NCMAP: variants seen among roughly 807,000 people sequenced by gnomAD.
The protein encoded by NCMAP is noncompact myelin-associated protein.
NCMAP carries 8 observed loss-of-function variants against 7.8 expected under a neutral mutation model. The observed-to-expected ratio is 1.02, with a 90% confidence interval of 0.60 to 1.84. The LOEUF is 1.84. NCMAP is among the 40% of genes most tolerant of loss of function. The pLI, the probability that NCMAP is intolerant of heterozygous loss-of-function variation, is 0.00. For synonymous variants in NCMAP, 41 were observed against 52.9 expected, an observed-to-expected ratio of 0.78 and a Z score of 0.98; for missense variants, 112 against 131.4, an observed-to-expected ratio of 0.85 and a Z score of 0.72.
At chr1:24,584,607 T>C (rs994449869) in intron 1 of NCMAP, among the ~76,000 whole-genome samples, 1 of 152,120 alleles carries the variant, frequency 6.6e-6, no homozygotes, top group Non-Finnish European at 1.5e-5. Flanking sequence ...GCTGCGGCTT[T>C]TGCCATAGGA....
rs774025806 is a variant in NCMAP at position 24,601,029 on chromosome 1, G to A, written c.167+5G>A. The A allele has an allele frequency of 5.0e-6, 8 of 1,613,212 alleles. 1 individual carries two copies. The highest frequency in any genetic ancestry group is 3.3e-4 in the Middle Eastern group (2 of 6,004). On this transcript the variant is annotated splice_donor_5th_base_variant and intron_variant, in intron 3 of 3. Transcript: ENST00000374392. ...CCTGCTGAAGATGTACAACAGGTAC[G>A]GATGCCCTGGGCTTTGGAACTGCCT...
At chr1:24,594,562 A>G (rs1652155208) in intron 1 of NCMAP, among the ~76,000 whole-genome samples, 1 of 152,126 alleles carries the variant, frequency 6.6e-6, no homozygotes, top group African/African-American at 2.4e-5. Context: ...GTAGATTCCC[A>G]AACTGCATTA....
At chr1:24,605,106 A>C (rs113632721) in intron 3 of NCMAP, among the ~76,000 whole-genome samples, 7,939 of 151,316 alleles carry the variant, frequency 0.052, 709 homozygotes, top group African/African-American at 0.18. Context: ...ACAGAGCCAG[A>C]CTCTGTCTCA....
intron 1 of NCMAP, among the ~76,000 whole-genome samples, chr1:24,570,378 C>T (rs1651354148): frequency 6.6e-6 from 1 of 150,626 alleles, no homozygotes; most frequent in Non-Finnish European, 1.5e-5. Flanking sequence ...ACCTATAGTT[C>T]CAGCTGCTTG....
At chr1:24,597,678 A>AG (rs1557602721) in intron 2 of NCMAP, among the ~76,000 whole-genome samples, 1 of 116,140 alleles carries the variant, frequency 8.6e-6, no homozygotes, top group Non-Finnish European at 1.9e-5. Flanking sequence ...AAAGAAAAGA[A>AG]AAAGAAAGAA....
intron 1 of NCMAP, among the ~76,000 whole-genome samples, chr1:24,579,222 G>A (rs1651679660): frequency 6.6e-6 from 1 of 151,114 alleles, no homozygotes. Flanking sequence ...AAGACTTCAT[G>A]CCCAAAAGTG....
At chr1:24,561,124 G>T (rs540374169) in intron 1 of NCMAP, among the ~76,000 whole-genome samples, 1 of 148,000 alleles carries the variant, frequency 6.8e-6, no homozygotes, top group Non-Finnish European at 1.5e-5. Flanking sequence ...CCTGAGGTCA[G>T]GAGTTCAAGA....
chr1:24,571,163 T>A (rs964923727), intron 1 of NCMAP, among the ~76,000 whole-genome samples: 2 of 150,832 alleles, frequency 1.3e-5, no homozygotes, highest in Non-Finnish European at 2.9e-5. Context: ...ATTGTAAATG[T>A]CCTGGTAGCC....
intron 1 of NCMAP, among the ~76,000 whole-genome samples, chr1:24,590,126 T>C (rs1652003810): frequency 6.6e-6 from 1 of 152,202 alleles, no homozygotes; most frequent in African/African-American, 2.4e-5. Context: ...TTATCAAGTC[T>C]CAGGGTCTTC....
At chr1:24,562,027 G>T (rs1396919520) in intron 1 of NCMAP, among the ~76,000 whole-genome samples, 1 of 152,104 alleles carries the variant, frequency 6.6e-6, no homozygotes, top group Non-Finnish European at 1.5e-5. Context: ...ATGAAACTTG[G>T]TTTTTTGTTT....
chr1:24,560,184 A>AAAAT, intron 1 of NCMAP, among the ~76,000 whole-genome samples: 1 of 144,836 alleles, frequency 6.9e-6, no homozygotes, highest in Non-Finnish European at 1.5e-5. Flanking sequence ...AAAAAAAAAA[A>AAAAT]ATTTGTTTCC....
intron 1 of NCMAP, among the ~76,000 whole-genome samples, chr1:24,580,936 G>T (rs1300764772): frequency 6.6e-6 from 1 of 152,140 alleles, no homozygotes; most frequent in African/African-American, 2.4e-5. Flanking sequence ...CGGCTTTTCC[G>T]GCTTTCAAAC....
chr1:24,592,785 G>A (rs1206909444), intron 1 of NCMAP, among the ~76,000 whole-genome samples: 3 of 152,128 alleles, frequency 2.0e-5, no homozygotes, highest in Non-Finnish European at 4.4e-5. Flanking sequence ...CGGGAGTGGT[G>A]GCGGGCGCCT....
At chr1:24,564,519 AAAAAAAAAAAAAAC>A (rs1298601819) in intron 1 of NCMAP, among the ~76,000 whole-genome samples, 1 of 144,358 alleles carries the variant, frequency 6.9e-6, no homozygotes. Flanking sequence ...GTCTCAAAAA[AAAAAAAAAAAAAAC>A]AAAAAAAAAC....
intron 1 of NCMAP, among the ~76,000 whole-genome samples, chr1:24,565,311 A>G (rs1030039949): frequency 2.0e-5 from 3 of 149,456 alleles, no homozygotes; most frequent in African/African-American, 7.5e-5. Context: ...ATTCAAGGAC[A>G]CATACATCCT....
chr1:24,578,917 G>A (rs1338297744), intron 1 of NCMAP, among the ~76,000 whole-genome samples: 1 of 152,134 alleles, frequency 6.6e-6, no homozygotes, highest in African/African-American at 2.4e-5. Context: ...TCCAACAGAA[G>A]AGAAGAGTAG....
intron 1 of NCMAP, among the ~76,000 whole-genome samples, chr1:24,562,849 T>G (rs1235023725): frequency 6.6e-6 from 1 of 152,156 alleles, no homozygotes; most frequent in Non-Finnish European, 1.5e-5. Flanking sequence ...CTCTGGGAAC[T>G]TAAAGGTGAA....
Position 24,574,228 on chromosome 1 carries a change from C to T in NCMAP, c.-8+18059C>T, listed in dbSNP as rs1027210960. Among the ~76,000 whole-genome samples the T allele has an allele frequency of 4.0e-5, 6 of 150,506 alleles. 1 individual carries two copies. Among genetic ancestry groups the T allele is most frequent in the African/African-American group, 1.3e-4 (5 of 39,898 alleles). ...CTGCTTCCTGGGTTGAAGTGATTCT[C>T]CTGCCTCAGACTGCTGAGTAGCTGG... On this transcript the variant is annotated intron_variant, in intron 1 of 3. Transcript: ENST00000374392.
Position 24,606,694 on chromosome 1 carries a change from A to G in NCMAP, c.*947A>G, listed in dbSNP as rs1195587500. The G allele has an allele frequency of 6.6e-6, 1 of 152,224 alleles. No individual in the cohort carries two copies. The highest frequency in any genetic ancestry group is 2.4e-5 in the African/African-American group (1 of 41,442). The allele number at this position is 152,224 out of a possible 1,614,324, so 9.4% of individuals were successfully genotyped here. ...AGCAACACATTCACAACCCATTTCTATTCTATAGCAACCTCGTCTGTGACT... is the reference window on the plus strand; with the variant it reads ...AGCAACACATTCACAACCCATTTCTGTTCTATAGCAACCTCGTCTGTGACT... On this transcript the variant is annotated 3_prime_UTR_variant, in exon 4 of 4. Coordinates refer to ENST00000374392, the MANE Select transcript of NCMAP (RefSeq NM_001010980.5).
Sources: gnomAD v4.1 joint callset for allele counts (sites outside exome capture counted in the v4.1 genomes callset) on GRCh38, gnomAD v4.1.1 for gene constraint, MANE v1.5 for transcripts, NCBI Gene and HGNC (gene_info 2026-07-23, HGNC 2026-07-21) for gene names.